Variants in BTRC observed in about 807,000 individuals in gnomAD.
BTRC encodes beta-transducin repeat containing E3 ubiquitin protein ligase.
Under a neutral mutation model 85.5 loss-of-function variants are expected in BTRC, and 42 were observed. The ratio of observed to expected loss-of-function variants is 0.49; its 90% CI spans 0.38 to 0.64. The LOEUF is 0.64. BTRC is among the 30% of genes least tolerant of loss of function. BTRC has a pLI of 0.00. For missense variants in BTRC, 594 were observed against 743.5 expected (o/e 0.80, Z 2.34); for synonymous variants, 255 against 263.3 (o/e 0.97, Z 0.30).
intron 4 of BTRC, among the ~76,000 whole-genome samples, chr10:101,497,003 T>C (rs1384712899): frequency 2.0e-5 from 3 of 152,230 alleles, no homozygotes; most frequent in Non-Finnish European, 4.4e-5. Context: ...TTAAGAAATC[T>C]GCCTGTCCCA....
intron 3 of BTRC, among the ~76,000 whole-genome samples, chr10:101,475,849 C>A (rs192814975): frequency 7.0e-6 from 1 of 143,742 alleles, no homozygotes; most frequent in Non-Finnish European, 1.5e-5. Flanking sequence ...GATTAGCACC[C>A]AATGGATGCT....
At chr10:101,462,929 G>A (rs1945267855) in intron 3 of BTRC, among the ~76,000 whole-genome samples, 1 of 151,714 alleles carries the variant, frequency 6.6e-6, no homozygotes, top group Admixed American at 6.6e-5. Context: ...GTGCAGTGGC[G>A]TGATCTCGGC....
At chr10:101,496,183 CA>C (rs1017804893) in intron 4 of BTRC, among the ~76,000 whole-genome samples, 3 of 152,130 alleles carry the variant, frequency 2.0e-5, no homozygotes, top group South Asian at 2.1e-4. Flanking sequence ...TTCATAACTA[CA>C]AAAAATTATT....
Position 101,457,982 on chromosome 10 carries a change from C to T in BTRC, c.157-3999C>T, listed in dbSNP as rs533059432. Among the ~76,000 whole-genome samples, 5 of 152,230 alleles carry T rather than the reference C, an allele frequency of 3.3e-5. No homozygotes were observed. In the South Asian group the frequency reaches 1.0e-3, roughly 32 times the overall value. ...AATACATATACACACGCACATACAT[C>T]CATTTATGTATTATTTTTTCTGAAC... On this transcript the variant is annotated intron_variant, in intron 2 of 14. Transcript: ENST00000370187.
chr10:101,502,262 G>A (rs1946416091), intron 4 of BTRC, among the ~76,000 whole-genome samples: 1 of 151,996 alleles, frequency 6.6e-6, no homozygotes, highest in African/African-American at 2.4e-5. Context: ...TTGTTCAAGT[G>A]GATTTTAAAA....
intron 2 of BTRC, among the ~76,000 whole-genome samples, chr10:101,442,348 G>A (rs1293771353): frequency 6.7e-6 from 1 of 148,786 alleles, no homozygotes; most frequent in Non-Finnish European, 1.5e-5. Context: ...CTTAACGGGA[G>A]AGACTATGAG....
intron 1 of BTRC, among the ~76,000 whole-genome samples, chr10:101,416,635 A>G (rs993348803): frequency 3.3e-5 from 5 of 152,152 alleles, no homozygotes; most frequent in African/African-American, 1.2e-4. Context: ...GCTCCACAGC[A>G]TCATGAGACT....
At chr10:101,465,440 G>T (rs1487345932) in intron 3 of BTRC, among the ~76,000 whole-genome samples, 1 of 152,070 alleles carries the variant, frequency 6.6e-6, no homozygotes, top group Non-Finnish European at 1.5e-5. Flanking sequence ...CAAAAATTTG[G>T]CAAGTTGAAC....
At chr10:101,503,855 T>C (rs1032511854) in intron 4 of BTRC, among the ~76,000 whole-genome samples, 1 of 152,230 alleles carries the variant, frequency 6.6e-6, no homozygotes, top group Non-Finnish European at 1.5e-5. Flanking sequence ...TACCAAGTTG[T>C]TGAGGCCTTT....
chr10:101,518,271 A>G (rs1163330902), intron 4 of BTRC, among the ~76,000 whole-genome samples: 1 of 152,160 alleles, frequency 6.6e-6, no homozygotes, highest in Admixed American at 6.5e-5. Context: ...AAAGGACCAC[A>G]TAGCAGTGGT....
chr10:101,388,928 C>G (rs1467763270), intron 1 of BTRC, among the ~76,000 whole-genome samples: 1 of 151,440 alleles, frequency 6.6e-6, no homozygotes, highest in African/African-American at 2.4e-5. Flanking sequence ...GGGCCTTGGC[C>G]CTCTTCTCTT....
chr10:101,487,184 AT>A (rs1468555081), intron 4 of BTRC, among the ~76,000 whole-genome samples: 3 of 152,198 alleles, frequency 2.0e-5, no homozygotes, highest in Non-Finnish European at 2.9e-5. Flanking sequence ...GTTTCTTGTT[AT>A]ATAAGGTATA....
rs538450192 is a variant in BTRC, at chr10:101,433,551, T to C, written c.156+3099T>C. ...AAAGGCCCCAAGAGCCAGTGAGGCT[T>C]GGTGCATTTAAGGACCCTACTGAAA... On this transcript the variant is annotated intron_variant, in intron 2 of 14. Transcript: ENST00000370187. Among the ~76,000 whole-genome samples the C allele has an allele frequency of 2.0e-5, 3 of 152,288 alleles. No individual in the cohort carries two copies. In the South Asian group the frequency reaches 6.2e-4, roughly 32 times the overall value.
At position 101,465,653 on chromosome 10, in the gene BTRC, CCTT is replaced by C. The variant is rs1385668064; in HGVS notation, c.234+3596_234+3598del. Among the ~76,000 whole-genome samples the C allele has an allele frequency of 3.3e-5, 5 of 152,238 alleles. No individual in the cohort carries two copies. The East Asian group carries it at 9.6e-4, about 29-fold the overall frequency. On this transcript the variant is annotated intron_variant, in intron 3 of 14. Transcript: ENST00000370187. ...ACAGAATAGAGAAGGAAAGAACACTCCTTGACTTAAAAATCCACCATAACAGTA... is the reference window on the plus strand; with the variant it reads ...ACAGAATAGAGAAGGAAAGAACACTCGACTTAAAAATCCACCATAACAGTA...
intron 1 of BTRC, among the ~76,000 whole-genome samples, chr10:101,402,508 C>T (rs1335739925): frequency 1.3e-5 from 2 of 152,144 alleles, no homozygotes; most frequent in African/African-American, 2.4e-5. Context: ...TCCCCCTCTT[C>T]GCTTTCTTGT....
intron 1 of BTRC, among the ~76,000 whole-genome samples, chr10:101,375,404 C>T (rs1044200646): frequency 1.3e-5 from 2 of 152,190 alleles, no homozygotes; most frequent in African/African-American, 2.4e-5. Flanking sequence ...GAATTCACTA[C>T]GCTTCTTGTA....
chr10:101,399,488 C>T (rs886718254), intron 1 of BTRC, among the ~76,000 whole-genome samples: 3 of 152,106 alleles, frequency 2.0e-5, no homozygotes, highest in African/African-American at 7.2e-5. Flanking sequence ...AACAAGCTAG[C>T]TAACATTTTG....
In BTRC at chr10:101,405,830, C is replaced by A. The variant is rs142108859; in HGVS notation, c.49-24515C>A. Among the ~76,000 whole-genome samples the A allele has an allele frequency of 6.9e-4, 105 of 152,214 alleles. 2 individuals carry two copies. The East Asian group carries it at 0.02, about 29-fold the overall frequency. On this transcript the variant is annotated intron_variant, in intron 1 of 14. Transcript: ENST00000370187. ...CAACAACATACACTGCAAGTTCAGTCCTTTGAACTTCCTTCATGGCCCATC... is the reference window on the plus strand; with the variant it reads ...CAACAACATACACTGCAAGTTCAGTACTTTGAACTTCCTTCATGGCCCATC...
chr10:101,430,404 G>A lies in BTRC; in HGVS notation c.108G>A (p.Ser36=), dbSNP rs375379422. The A allele has an allele frequency of 3.4e-5, 55 of 1,613,890 alleles. No homozygotes were observed. Among genetic ancestry groups the A allele is most frequent in the Admixed American group, 5.0e-5 (3 of 59,980 alleles). Residue 36 remains serine, a synonymous_variant, in exon 2 of 15, where the codon TCG becomes TCA. Coordinates refer to ENST00000370187, the MANE Select transcript of BTRC (RefSeq NM_033637.4). ...CCAGCCTGGCGGACAGCATGCCTTC[G>A]CTGCGATGCCTGTATAACCCAGGGA... ...GCSSLADSMP[S]LRCLYNPGTG...
Sources: gnomAD v4.1 joint callset for allele counts (sites outside exome capture counted in the v4.1 genomes callset) on GRCh38, gnomAD v4.1.1 for gene constraint, MANE v1.5 for transcripts, NCBI Gene and HGNC (gene_info 2026-07-23, HGNC 2026-07-21) for gene names.